Variants in MORN4 observed in about 807,000 individuals in gnomAD.
The protein encoded by MORN4 is MORN repeat containing 4.
In MORN4, 8 loss-of-function variants were observed where a neutral mutation model predicts 16.4. The observed-to-expected ratio is 0.49, with a 90% CI of 0.29 to 0.88. The LOEUF (loss-of-function observed/expected upper bound fraction) is 0.88, where lower values mean the gene tolerates loss of function less well. MORN4 is among the 40% of genes least tolerant of loss of function. The pLI is 0.09. For synonymous variants in MORN4, 53 were observed against 68.9 expected (o/e 0.77, Z 1.14); for missense variants, 159 against 182.9 (o/e 0.87, Z 0.75).
At chr10:97,616,509 G>A (rs1164466125) in intron 4 of MORN4, 98 bp from the exon 5 acceptor site, 1 of 1,406,520 alleles carries the variant, frequency 7.1e-7, no homozygotes, top group South Asian at 1.4e-5. Context: ...CCAAAGAAGA[G>A]AAAAACTCCC....
At chr10:97,621,550 T>C (rs2135737353) in intron 1 of MORN4, among the ~76,000 whole-genome samples, 1 of 152,334 alleles carries the variant, frequency 6.6e-6, no homozygotes, top group East Asian at 1.9e-4. Flanking sequence ...CCTCCGTTCA[T>C]GACCCTACAA....
chr10:97,618,728 C>T (rs2041261211), intron 2 of MORN4, among the ~76,000 whole-genome samples: 1 of 151,608 alleles, frequency 6.6e-6, no homozygotes, highest in African/African-American at 2.4e-5. Flanking sequence ...GAAACCAGTG[C>T]TGCTAATCAG....
chr10:97,615,991 C>T lies in MORN4; in HGVS notation c.*272G>A. ...ACCTGAGGTCTTAGGAACAGAGTATCAACCAGTGAGAAGAGGTGGCTCCTC... is the reference window on the plus strand; with the variant it reads ...ACCTGAGGTCTTAGGAACAGAGTATTAACCAGTGAGAAGAGGTGGCTCCTC... On this transcript the variant is annotated 3_prime_UTR_variant, in exon 5 of 5. Transcript: ENST00000307450. 1 of 289,826 alleles carries T rather than the reference C, an allele frequency of 3.5e-6. No homozygotes were observed. The highest frequency in any genetic ancestry group is 6.4e-6 in the Non-Finnish European group (1 of 156,516). The allele number at this position is 289,826 out of a possible 1,614,324, so 18.0% of individuals were successfully genotyped here.
At chr10:97,622,558 G>A (rs1315674524) in intron 1 of MORN4, among the ~76,000 whole-genome samples, 1 of 151,898 alleles carries the variant, frequency 6.6e-6, no homozygotes, top group African/African-American at 2.4e-5. Context: ...AGCCGGGTGT[G>A]GTGGTGCGTT....
chr10:97,629,980 A>G (rs1237212118), intron 1 of MORN4, among the ~76,000 whole-genome samples: 2 of 139,724 alleles, frequency 1.4e-5, no homozygotes, highest in East Asian at 4.2e-4. Flanking sequence ...GCTGGAGTTC[A>G]GTGGCACGAT....
chr10:97,630,787 T>G (rs2041389405), intron 1 of MORN4, among the ~76,000 whole-genome samples: 1 of 152,244 alleles, frequency 6.6e-6, no homozygotes, highest in South Asian at 2.1e-4. Context: ...ATTTCACCAG[T>G]AACCATGGTC....
chr10:97,628,280 C>T (rs899511399), intron 1 of MORN4, among the ~76,000 whole-genome samples: 1 of 152,198 alleles, frequency 6.6e-6, no homozygotes, highest in African/African-American at 2.4e-5. Flanking sequence ...AACTTGTTTT[C>T]ACTCAAAATT....
In MORN4 at chr10:97,616,775, C is replaced by T; in HGVS notation, c.195G>A (p.Glu65=). Reference sequence around the variant, plus strand: ...CGCCATTAAACTTGCCCTGGGCAAACTCCCCCTCATACCTGCAGAAACACC... The same window carrying T: ...CGCCATTAAACTTGCCCTGGGCAAATTCCCCCTCATACCTGCAGAAACACC... ...TFSDGSRYEG[E]FAQGKFNGVG... The change falls in exon 4 of 5, where the codon GAG becomes GAA. Residue 65 remains glutamate (E), a synonymous_variant. Transcript: ENST00000307450. 1 of 1,613,392 alleles carries T rather than the reference C, an allele frequency of 6.2e-7. No individual in the cohort carries two copies. Among genetic ancestry groups the T allele is most frequent in the Non-Finnish European group, 8.5e-7 (1 of 1,179,310 alleles).
Position 97,624,658 on chromosome 10 carries a change from T to C in MORN4, c.-30-4975A>G, listed in dbSNP as rs376530830. ...GTCCCGAACTCCTGGCCTCAAGTGA[T>C]TCTTCCTCATCAGCTTCCCAAGTAG... On this transcript the variant is annotated intron_variant, in intron 1 of 4. Transcript: ENST00000307450. Among the ~76,000 whole-genome samples the C allele has an allele frequency of 2.9e-3, 443 of 152,348 alleles. 2 individuals carry two copies. Among genetic ancestry groups the C allele is most frequent in the African/African-American group, 0.01 (429 of 41,588 alleles).
Position 97,616,697 on chromosome 10 carries a change from A to G in MORN4, c.273T>C (p.Asn91=). 13 of 1,613,924 alleles carry G rather than the reference A, an allele frequency of 8.1e-6. No homozygotes were observed. The highest frequency in any genetic ancestry group is 1.1e-5 in the Non-Finnish European group (13 of 1,179,828). Residue 91 remains asparagine, a synonymous_variant, in exon 4 of 5, where the codon AAT becomes AAC. Transcript: ENST00000307450. ...DNMTFEGEFK[N]GRVDGFGLLT... ...ACTTACCAAAACCATCTACTCTGCCATTTTTAAATTCCCCCTCAAAGGTCA... is the reference window on the plus strand; with the variant it reads ...ACTTACCAAAACCATCTACTCTGCCGTTTTTAAATTCCCCCTCAAAGGTCA...
At chr10:97,632,551 C>G (rs992584452) in intron 1 of MORN4, among the ~76,000 whole-genome samples, 1 of 151,698 alleles carries the variant, frequency 6.6e-6, no homozygotes, top group Non-Finnish European at 1.5e-5. Context: ...AAAAGGAGCT[C>G]GAAATAACTG....
At chr10:97,626,448 G>A (rs1298282683) in intron 1 of MORN4, among the ~76,000 whole-genome samples, 3 of 148,850 alleles carry the variant, frequency 2.0e-5, no homozygotes, top group Non-Finnish European at 4.5e-5. Flanking sequence ...TCTGATGCTT[G>A]TTCTCTCTCT....
upstream of MORN4, among the ~76,000 whole-genome samples, chr10:97,633,902 A>T (rs1038366698): frequency 1.3e-5 from 2 of 151,992 alleles, no homozygotes; most frequent in Non-Finnish European, 2.9e-5. This position sits in a 1 kb window ranked among gnomAD's most constrained non-coding sequence, Gnocchi z 4.5. Flanking sequence ...GCCTCCAATA[A>T]CTCTGTGCTA....
At chr10:97,629,328 G>T (rs760628518) in intron 1 of MORN4, among the ~76,000 whole-genome samples, 4 of 152,220 alleles carry the variant, frequency 2.6e-5, no homozygotes, top group Non-Finnish European at 5.9e-5. Context: ...GGAGGTTGAA[G>T]TGAGCCAAGA....
intron 1 of MORN4, among the ~76,000 whole-genome samples, chr10:97,631,725 G>A (rs555700069): frequency 1.3e-5 from 2 of 152,008 alleles, no homozygotes; most frequent in Non-Finnish European, 2.9e-5. Flanking sequence ...CTTGAGCCCA[G>A]GAGTTCAATA....
intron 1 of MORN4, among the ~76,000 whole-genome samples, chr10:97,626,792 C>T (rs1363592728): frequency 1.5e-5 from 2 of 135,818 alleles, no homozygotes; most frequent in African/African-American, 2.8e-5. Flanking sequence ...AGTTTCATTC[C>T]TGTGGCCCAG....
intron 1 of MORN4, among the ~76,000 whole-genome samples, chr10:97,622,300 G>A (rs1291548273): frequency 6.6e-6 from 1 of 152,164 alleles, no homozygotes; most frequent in African/African-American, 2.4e-5. Flanking sequence ...AGGAACAACT[G>A]GGGGGATACA....
chr10:97,616,574 G>T, intron 4 of MORN4, 104 bp downstream of exon 4: 1 of 1,235,958 alleles, frequency 8.1e-7, no homozygotes, highest in Non-Finnish European at 1.2e-6. Flanking sequence ...GTCAGGGACG[G>T]CCACTATGGA....
intron 1 of MORN4, among the ~76,000 whole-genome samples, chr10:97,629,362 G>T (rs2135743072): frequency 6.6e-6 from 1 of 152,260 alleles, no homozygotes; most frequent in African/African-American, 2.4e-5. Flanking sequence ...CTCCAGCCTG[G>T]GCAACAAGAG....
Sources: allele counts gnomAD v4.1 joint callset (sites outside exome capture counted in the v4.1 genomes callset), GRCh38; gene constraint gnomAD v4.1.1; non-coding constraint Gnocchi (gnomAD v3.1); transcripts MANE v1.5; gene names NCBI Gene and HGNC (gene_info 2026-07-23, HGNC 2026-07-21).